SMG1: variants seen among roughly 807,000 people sequenced by gnomAD.
The protein encoded by SMG1 is SMG1 nonsense mediated mRNA decay associated PI3K related kinase, also known as serine/threonine-protein kinase SMG1.
Under a neutral mutation model 419.9 loss-of-function variants are expected in SMG1, and 22 were observed. The observed-to-expected ratio is 0.05, with a 90% CI of 0.04 to 0.07. The LOEUF (loss-of-function observed/expected upper bound fraction) is 0.07, where lower values mean the gene tolerates loss of function less well. Among genes scored for constraint, SMG1 ranks in the 10% least tolerant of loss-of-function variants. The probability of loss-of-function intolerance (pLI) is 1.00; values close to 1 mark genes in which losing one functional copy is unlikely to be tolerated. For synonymous variants in SMG1, 1,538 were observed against 1,553.5 expected (o/e 0.99, Z 0.23); for missense variants, 3,185 against 4,342.0 (o/e 0.73, Z 7.49).
At chr16:18,891,451 T>TC (rs1555503399) in intron 4 of SMG1, among the ~76,000 whole-genome samples, 11 of 151,862 alleles carry the variant, frequency 7.2e-5, no homozygotes, top group Non-Finnish European at 1.2e-4. Context: ...TTTTTTTTTT[T>TC]CAAGATGGAG....
intron 60 of SMG1, among the ~76,000 whole-genome samples, chr16:18,812,663 T>C (rs193122363): frequency 0.096 from 14,258 of 149,006 alleles, 813 homozygotes; most frequent in African/African-American, 0.16. Context: ...CACACACACA[T>C]ATATATATAC....
At chr16:18,884,992 T>C (rs2141742643) in intron 8 of SMG1, 98 bp downstream of exon 8, 2 of 649,050 alleles carry the variant, frequency 3.1e-6, no homozygotes, top group Admixed American at 3.1e-5. Flanking sequence ...ATTAGTTTTC[T>C]TGCATTATTA....
At chr16:18,851,541 T>C (rs1224271211) in intron 33 of SMG1, among the ~76,000 whole-genome samples, 2 of 152,346 alleles carry the variant, frequency 1.3e-5, no homozygotes, top group East Asian at 3.9e-4. Flanking sequence ...AAATGTAATT[T>C]ACCTAAAATG....
chr16:18,868,434 C>A, intron 21 of SMG1, 80 bp from the exon 22 acceptor site: 1 of 1,459,820 alleles, frequency 6.9e-7, no homozygotes, highest in East Asian at 2.4e-5. Context: ...AAACCAAATA[C>A]ACAAGTCTAC....
chr16:18,905,656 A>G (rs951365279), intron 1 of SMG1, among the ~76,000 whole-genome samples: 1 of 144,264 alleles, frequency 6.9e-6, no homozygotes, highest in African/African-American at 2.6e-5. Context: ...TTTGTTGCCC[A>G]GGCTGGAGTA....
chr16:18,854,842 T>C lies in SMG1; in HGVS notation c.4297A>G (p.Arg1433Gly). Residue 1433 changes from arginine (R) to glycine (G), a missense_variant, in exon 30 of 63, where the codon AGA becomes GGA. Physicochemically the swap from Arg to Gly is moderately radical, Grantham distance 125 (BLOSUM62 -2). This residue lies in a region of SMG1 where 493 missense variants were observed against 552.9 expected (regional missense o/e 0.89). Transcript: ENST00000446231. ...GCAAGGGACACATTCCCTCGTTTTC[T>C]AGCAAATTTTGCTGCTGTTAGACCT... ...ELGLTAAKFA[R>G]KRGNVSLATR... 1 of 1,614,044 alleles carries C rather than the reference T, an allele frequency of 6.2e-7. No individual in the cohort carries two copies. Among genetic ancestry groups the C allele is most frequent in the Non-Finnish European group, 8.5e-7 (1 of 1,179,892 alleles).
rs1293534322 is a variant in SMG1 at position 18,858,266 on chromosome 16, C to T, written c.4138G>A (p.Glu1380Lys). 6.2e-7 allele frequency: 1 copy of T among 1,606,534 alleles called. No individual in the cohort carries two copies. Among genetic ancestry groups the T allele is most frequent in the Admixed American group, 1.7e-5 (1 of 58,454 alleles). ...TEDCLIPLFS[E>K]ALRSCKQHDV... The stretch of plus-strand genomic sequence containing the variant: ...TGCTGTTTACATGAACGTAAAGCTT[C>T]ACTGAAGAGTGGAATAAGACAGTCC... Residue 1380 changes from glutamate (E) to lysine (K), a missense_variant, in exon 29 of 63, where the codon GAA (glutamate) becomes AAA (lysine). This residue lies in a region of SMG1 where 493 missense variants were observed against 552.9 expected (regional missense o/e 0.89). Coordinates refer to ENST00000446231, the MANE Select transcript of SMG1 (RefSeq NM_015092.5).
chr16:18,860,555 T>C (rs2035159486), intron 26 of SMG1, 112 bp downstream of exon 26: 1 of 615,878 alleles, frequency 1.6e-6, no homozygotes, highest in Non-Finnish European at 2.9e-6. Context: ...CATGGGATTC[T>C]GCCCCCACAA....
Position 18,870,662 on chromosome 16 carries a change from G to A in SMG1, c.2440C>T (p.Arg814Ter), listed in dbSNP as rs1389827779. The A allele has an allele frequency of 6.2e-7, 1 of 1,608,220 alleles. No individual in the cohort carries two copies. Among genetic ancestry groups the A allele is most frequent in the Non-Finnish European group, 8.5e-7 (1 of 1,178,038 alleles). Residue 814 changes from arginine to a stop codon, truncating the protein, a stop_gained, in exon 18 of 63, where the codon CGA becomes TGA. Transcript: ENST00000446231. LOFTEE classifies it high-confidence loss of function. ...VQLVHSGTRI[R>*]QAFGKLLKSI... is the part of the protein sequence containing the mutation. ...TTCAACAGTTTTCCAAATGCTTGTC[G>A]AATACGAGTTCCACTGTGCACTAGT...
chr16:18,843,219 A>G (rs1265840478), intron 39 of SMG1, among the ~76,000 whole-genome samples: 1 of 152,256 alleles, frequency 6.6e-6, no homozygotes, highest in Non-Finnish European at 1.5e-5. Flanking sequence ...ACAAGAAAAA[A>G]TGAGGCTCAA....
intron 25 of SMG1, among the ~76,000 whole-genome samples, chr16:18,863,289 A>C (rs909649631): frequency 6.6e-6 from 1 of 152,246 alleles, no homozygotes; most frequent in Non-Finnish European, 1.5e-5. Context: ...ATTAGAATAA[A>C]TGTTTTTGAT....
Position 18,876,271 on chromosome 16 carries a change from G to A in SMG1, c.1743C>T (p.His581=). The change falls in exon 13 of 63, where the codon CAC becomes CAT. Residue 581 remains histidine (H), a synonymous_variant. Transcript: ENST00000446231. ...EMTCALNNLL[H]SLQLPEACSE... ...AACAGGCCTCAGGAAGTTGTAGACT[G>A]TGTAGGAGGTTGTTTAGGGCACAAG... 6.2e-7 allele frequency: 1 copy of A among 1,611,770 alleles called. No individual in the cohort carries two copies.
At chr16:18,925,807 G>A in intron 1 of SMG1, 143 bp downstream of exon 1, 1 of 556,056 alleles carries the variant, frequency 1.8e-6, no homozygotes, top group South Asian at 2.8e-5. Flanking sequence ...CCCCCAGCCG[G>A]GGCGGAGGAG....
At chr16:18,814,554 A>G (rs936630460) in intron 60 of SMG1, among the ~76,000 whole-genome samples, 2 of 152,056 alleles carry the variant, frequency 1.3e-5, no homozygotes, top group African/African-American at 4.8e-5. Flanking sequence ...TCAAATTAGC[A>G]AAGCATTTTT....
chr16:18,836,139 C>T lies in SMG1; in HGVS notation c.7851G>A (p.Glu2617=), dbSNP rs919186348. The change falls in exon 48 of 63, where the codon GAG becomes GAA. Residue 2617 remains glutamate (E), a synonymous_variant. Transcript: ENST00000446231. ...GAGCACCAACCTCCCCCTCCAGCTG[C>T]TCGCACTGGCTAATCAAGTGGGCCT... ...AGQAHLISQC[E]QLEGEVGALL... The T allele has an allele frequency of 1.2e-6, 2 of 1,610,306 alleles. No individual in the cohort carries two copies. Among genetic ancestry groups the T allele is most frequent in the Non-Finnish European group, 1.7e-6 (2 of 1,178,276 alleles).
At chr16:18,906,187 A>C (rs1315976972) in intron 1 of SMG1, among the ~76,000 whole-genome samples, 1 of 73,552 alleles carries the variant, frequency 1.4e-5, no homozygotes, top group Admixed American at 1.4e-4. Context: ...CTTCACCAAC[A>C]AAAAAAAAGG....
In SMG1 at chr16:18,811,778, T is replaced by C; in HGVS notation, c.10891A>G (p.Met3631Val). ...ACGGTCACCTGTTCAGCAACTGACA[T>C]CCTCCTATTCGGATCAACATCTCGG... Reference protein sequence around the residue: ...EGRDVDPNRRMSVAEQVDYVI... With the variant: ...EGRDVDPNRRVSVAEQVDYVI... The change falls in exon 62 of 63, where the codon ATG (methionine) becomes GTG (valine). Residue 3631 changes from methionine to valine, a missense_variant. Coordinates refer to ENST00000446231, the MANE Select transcript of SMG1 (RefSeq NM_015092.5). 1 of 1,613,964 alleles carries C rather than the reference T, an allele frequency of 6.2e-7. No homozygotes were observed. Among genetic ancestry groups the C allele is most frequent in the Non-Finnish European group, 8.5e-7 (1 of 1,179,846 alleles).
chr16:18,834,130 T>C (rs2033393237), intron 50 of SMG1, 74 bp downstream of exon 50: 1 of 1,131,582 alleles, frequency 8.8e-7, no homozygotes, highest in Admixed American at 2.4e-5. Flanking sequence ...CAAATTGCTT[T>C]CCTGGGTTAA....
intron 51 of SMG1, among the ~76,000 whole-genome samples, chr16:18,831,003 C>A (rs1043736881): frequency 1.5e-4 from 23 of 152,086 alleles, no homozygotes; most frequent in African/African-American, 5.3e-4. Context: ...CTAAAGCTGG[C>A]GGACCTAGTA....
Sources: allele counts gnomAD v4.1 joint callset (sites outside exome capture counted in the v4.1 genomes callset), GRCh38; gene constraint gnomAD v4.1.1; regional missense constraint gnomAD v4.1.1; transcripts MANE v1.5; gene names NCBI Gene and HGNC (gene_info 2026-07-23, HGNC 2026-07-21).